PDE11A: variants seen among roughly 807,000 people sequenced by gnomAD.
PDE11A encodes phosphodiesterase 11A.
PDE11A carries 100 observed loss-of-function variants against 100.5 expected under a neutral mutation model. That is an observed-to-expected ratio of 1.00 (90% CI 0.85 to 1.18). The LOEUF is 1.18. Ranked by LOEUF, PDE11A falls within the 50% of genes most tolerant of loss-of-function variation. PDE11A has a pLI of 0.00. For synonymous variants in PDE11A, 381 were observed against 420.8 expected (o/e 0.91, Z 1.16); for missense variants, 1,141 against 1,152.6 (o/e 0.99, Z 0.15).
intron 2 of PDE11A, among the ~76,000 whole-genome samples, chr2:177,990,530 G>A (rs924387940): frequency 3.3e-5 from 5 of 151,648 alleles, no homozygotes; most frequent in Non-Finnish European, 7.4e-5. Context: ...ACAAGGTCAG[G>A]AATTCAAGAC....
chr2:177,990,728 ACT>A (rs1218087564), intron 2 of PDE11A, among the ~76,000 whole-genome samples: 10 of 144,076 alleles, frequency 6.9e-5, no homozygotes, highest in African/African-American at 2.1e-4. Context: ...ACAGAGCGAG[ACT>A]CTGTCTCAAA....
chr2:177,871,563 T>G (rs183152360), intron 5 of PDE11A, among the ~76,000 whole-genome samples: 1,434 of 131,318 alleles, frequency 0.011, 23 homozygotes, highest in African/African-American at 0.041. Context: ...ATTATTATTA[T>G]TATTATTATT....
upstream of PDE11A, among the ~76,000 whole-genome samples, chr2:178,076,934 C>T (rs2087214582): frequency 6.6e-6 from 1 of 152,130 alleles, no homozygotes; most frequent in South Asian, 2.1e-4. Context: ...AGGCCTCTTT[C>T]CACATTGTAT....
At chr2:178,063,939 G>A (rs1165383050) in intron 1 of PDE11A, among the ~76,000 whole-genome samples, 1 of 152,196 alleles carries the variant, frequency 6.6e-6, no homozygotes, top group African/African-American at 2.4e-5. Context: ...CCTTTCCAAA[G>A]ACAACACTGT....
At chr2:177,907,750 C>A (rs1162215872) in intron 2 of PDE11A, among the ~76,000 whole-genome samples, 1 of 152,168 alleles carries the variant, frequency 6.6e-6, no homozygotes, top group African/African-American at 2.4e-5. Flanking sequence ...AAGACAATAT[C>A]TCCCTCTAGA....
At position 177,800,881 on chromosome 2, in the gene PDE11A, A is replaced by G. The variant is rs145725975; in HGVS notation, c.1737+15948T>C. On this transcript the variant is annotated intron_variant, in intron 9 of 19. Transcript: ENST00000286063. ...AACCAAGGAGATTCAACAGGACATA[A>G]GTGGACCACAAAAGAGCTCAGGGGC... Among the ~76,000 whole-genome samples, 813 of 152,354 alleles carry G rather than the reference A, an allele frequency of 5.3e-3. 7 individuals are homozygous for G. Among genetic ancestry groups the G allele is most frequent in the African/African-American group, 0.018 (753 of 41,590 alleles).
chr2:177,909,264 C>G (rs549877433), intron 2 of PDE11A, among the ~76,000 whole-genome samples: 1 of 152,312 alleles, frequency 6.6e-6, no homozygotes, highest in African/African-American at 2.4e-5. Context: ...AAAAGAGACT[C>G]CTGCTGTCTT....
At chr2:177,845,079 C>T (rs1484476732) in intron 5 of PDE11A, among the ~76,000 whole-genome samples, 1 of 151,962 alleles carries the variant, frequency 6.6e-6, no homozygotes, top group Non-Finnish European at 1.5e-5. Flanking sequence ...GGGTGGTGGC[C>T]GGGCAGAGGG....
chr2:177,681,783 G>C (rs2105507442), intron 15 of PDE11A, among the ~76,000 whole-genome samples: 1 of 152,280 alleles, frequency 6.6e-6, no homozygotes, highest in East Asian at 1.9e-4. Context: ...CAGCTGACCA[G>C]CATTAACATT....
At chr2:177,783,414 T>TA (rs534997704) in intron 9 of PDE11A, among the ~76,000 whole-genome samples, 1,661 of 152,096 alleles carry the variant, frequency 0.011, 14 homozygotes, top group Non-Finnish European at 0.016. Context: ...TGAGGTGGTT[T>TA]TTTTCCCCCT....
intron 2 of PDE11A, among the ~76,000 whole-genome samples, chr2:177,934,890 C>T (rs2695736): frequency 0.7 from 106,518 of 152,032 alleles, 39,049 homozygotes; most frequent in East Asian, 0.79. Context: ...ATGTTCTCTC[C>T]TATAAATGGG....
At chr2:178,070,934 G>T (rs1392278311) in intron 1 of PDE11A, among the ~76,000 whole-genome samples, 1 of 152,136 alleles carries the variant, frequency 6.6e-6, no homozygotes, top group African/African-American at 2.4e-5. Flanking sequence ...ATACTAAGAA[G>T]GCACAAGTGA....
chr2:177,936,051 T>A (rs979202135), intron 2 of PDE11A, among the ~76,000 whole-genome samples: 2 of 152,206 alleles, frequency 1.3e-5, no homozygotes, highest in African/African-American at 4.8e-5. Context: ...CTAAGACATC[T>A]ATGTATTTAT....
chr2:178,055,661 A>G (rs1574372444), intron 1 of PDE11A, among the ~76,000 whole-genome samples: 1 of 152,112 alleles, frequency 6.6e-6, no homozygotes, highest in East Asian at 1.9e-4. Context: ...TGTAATAATA[A>G]TTATTATTAT....
At chr2:178,046,209 T>G (rs74267489) in intron 1 of PDE11A, among the ~76,000 whole-genome samples, 2,728 of 152,194 alleles carry the variant, frequency 0.018, 54 homozygotes, top group East Asian at 0.093. Flanking sequence ...TTAATTTTTT[T>G]GGGGGGGTTG....
chr2:177,815,609 A>G (rs1024512924), intron 9 of PDE11A, among the ~76,000 whole-genome samples: 1 of 152,070 alleles, frequency 6.6e-6, no homozygotes, highest in Admixed American at 6.6e-5. Context: ...ATAAATCCCA[A>G]CTTTGCACTA....
chr2:178,049,200 A>G (rs1284634996), intron 1 of PDE11A, among the ~76,000 whole-genome samples: 2 of 152,220 alleles, frequency 1.3e-5, no homozygotes, highest in Admixed American at 6.5e-5. Context: ...TGCCAGTGGC[A>G]TATGTTAAGA....
At chr2:177,882,621 A>G (rs1009366944) in intron 4 of PDE11A, among the ~76,000 whole-genome samples, 3 of 152,198 alleles carry the variant, frequency 2.0e-5, no homozygotes, top group African/African-American at 7.2e-5. Flanking sequence ...TTTCTAAATC[A>G]ATGACACAAA....
At chr2:177,634,515 G>A (rs1165900142) in intron 19 of PDE11A, among the ~76,000 whole-genome samples, 2 of 151,566 alleles carry the variant, frequency 1.3e-5, no homozygotes, top group Non-Finnish European at 2.9e-5. Context: ...AGCTTCCCGA[G>A]CAGCTCGGAC....
Sources: allele counts gnomAD v4.1 joint callset (sites outside exome capture counted in the v4.1 genomes callset), GRCh38; gene constraint gnomAD v4.1.1; transcripts MANE v1.5; gene names NCBI Gene and HGNC (gene_info 2026-07-23, HGNC 2026-07-21).